EDIL3: variants seen among roughly 807,000 people sequenced by gnomAD.
EDIL3 encodes EGF-like repeat and discoidin I-like domain-containing protein 3.
Under a neutral mutation model 67.4 loss-of-function variants are expected in EDIL3, and 37 were observed. The ratio of observed to expected loss-of-function variants is 0.55; its 90% confidence interval spans 0.42 to 0.72. The LOEUF is 0.72. Among genes scored for constraint, EDIL3 ranks in the 30% least tolerant of loss-of-function variants. EDIL3 has a pLI of 0.00. For missense variants in EDIL3, 527 were observed against 586.3 expected, an observed-to-expected ratio of 0.90 and a Z score of 1.04; for synonymous variants, 195 against 196.3, an observed-to-expected ratio of 0.99 and a Z score of 0.05.
chr5:84,174,035 C>A (rs1267159653), intron 4 of EDIL3, among the ~76,000 whole-genome samples: 1 of 152,058 alleles, frequency 6.6e-6, no homozygotes, highest in East Asian at 1.9e-4. Context: ...GACAAAGGAG[C>A]CAAAGGAAAG....
chr5:84,141,952 GATCTATCT>G (rs70975543), intron 4 of EDIL3, among the ~76,000 whole-genome samples: 288 of 108,370 alleles, frequency 2.7e-3, no homozygotes, highest in African/African-American at 4.3e-3. Flanking sequence ...TATATACATA[GATCTATCT>G]ATCTATCTAT....
intron 9 of EDIL3, among the ~76,000 whole-genome samples, chr5:83,964,182 G>C (rs1444978146): frequency 6.6e-6 from 1 of 151,904 alleles, no homozygotes; most frequent in African/African-American, 2.4e-5. Context: ...ATATAGAATA[G>C]TTCGGTATTT....
chr5:84,196,790 A>G (rs1323219968), intron 3 of EDIL3: 1 of 152,070 alleles, frequency 6.6e-6, no homozygotes, highest in African/African-American at 2.4e-5. Flanking sequence ...AACACATAAG[A>G]AAATGCTTTT....
At chr5:84,015,454 T>G (rs1444955007) in intron 9 of EDIL3, among the ~76,000 whole-genome samples, 1 of 152,262 alleles carries the variant, frequency 6.6e-6, no homozygotes. Flanking sequence ...TTTATCATTT[T>G]TCAAAGATTG....
chr5:84,347,884 G>C (rs909872464), intron 1 of EDIL3, among the ~76,000 whole-genome samples: 1 of 152,104 alleles, frequency 6.6e-6, no homozygotes, highest in Non-Finnish European at 1.5e-5. Flanking sequence ...TAAAGACTTG[G>C]AAGGCAAGCA....
intron 1 of EDIL3, among the ~76,000 whole-genome samples, chr5:84,300,806 A>G (rs1486332423): frequency 6.6e-6 from 1 of 152,212 alleles, no homozygotes; most frequent in Admixed American, 6.5e-5. Context: ...GTTATGTAAC[A>G]TGATTAGAAT....
chr5:84,186,525 T>C (rs1267374256), intron 3 of EDIL3, among the ~76,000 whole-genome samples: 4 of 152,216 alleles, frequency 2.6e-5, no homozygotes. Flanking sequence ...TCAATGGCTC[T>C]CTTTTACTGT....
chr5:84,061,058 G>C (rs1028282524), intron 8 of EDIL3, among the ~76,000 whole-genome samples: 1 of 152,076 alleles, frequency 6.6e-6, no homozygotes, highest in Non-Finnish European at 1.5e-5. Flanking sequence ...TTCTGTAAGA[G>C]AGGAATCTAG....
intron 1 of EDIL3, among the ~76,000 whole-genome samples, chr5:84,296,868 C>G (rs1164500486): frequency 6.6e-6 from 1 of 152,124 alleles, no homozygotes; most frequent in Non-Finnish European, 1.5e-5. Flanking sequence ...CTACAAGGAA[C>G]TTAAGCAAAT....
At chr5:84,323,090 T>C (rs1307651164) in intron 1 of EDIL3, among the ~76,000 whole-genome samples, 1 of 152,080 alleles carries the variant, frequency 6.6e-6, no homozygotes, top group Non-Finnish European at 1.5e-5. Context: ...AATATTTGTT[T>C]CCACATAATT....
At chr5:84,262,859 T>C (rs534926073) in intron 1 of EDIL3, among the ~76,000 whole-genome samples, 6 of 151,694 alleles carry the variant, frequency 4.0e-5, no homozygotes, top group Admixed American at 1.3e-4. Context: ...TTAGTAGATA[T>C]GGGGTTTCAC....
intron 1 of EDIL3, among the ~76,000 whole-genome samples, chr5:84,268,723 T>A (rs1381799429): frequency 6.6e-6 from 1 of 152,202 alleles, no homozygotes. Flanking sequence ...ATTTTAACCA[T>A]GGCAGTATAA....
At chr5:84,371,448 TATAGAG>T (rs201684682) in intron 1 of EDIL3, among the ~76,000 whole-genome samples, 15,877 of 92,574 alleles carry the variant, frequency 0.17, 1,017 homozygotes, top group Middle Eastern at 0.28. Flanking sequence ...TATATATATA[TATAGAG>T]AGAGAGAGAG....
In EDIL3 at chr5:84,066,565, G is replaced by C; in HGVS notation, c.693C>G (p.Thr231=). The part of the protein sequence containing the change: ...QRKMRVTGVI[T]QGAKRIGSPE... ...GGCTTCCAATCCTCTTGGCTCCTTG[G>C]GTAATCACACCAGTAACTCTCATTT... Residue 231 remains threonine (T), a synonymous_variant, in exon 7 of 11, where the codon ACC becomes ACG. Coordinates refer to ENST00000296591, the MANE Select transcript of EDIL3 (RefSeq NM_005711.5). 9.3e-6 allele frequency: 15 copies of C among 1,612,742 alleles called. No individual in the cohort carries two copies. Among genetic ancestry groups the C allele is most frequent in the Non-Finnish European group, 1.3e-5 (15 of 1,179,590 alleles).
At chr5:84,301,273 A>G (rs2112130579) in intron 1 of EDIL3, among the ~76,000 whole-genome samples, 1 of 139,522 alleles carries the variant, frequency 7.2e-6, no homozygotes, top group South Asian at 2.3e-4. Context: ...TGTCTCAAAA[A>G]AAAAAGAAAA....
intron 1 of EDIL3, among the ~76,000 whole-genome samples, chr5:84,334,511 T>C (rs1323017683): frequency 6.6e-6 from 1 of 152,232 alleles, no homozygotes; most frequent in Non-Finnish European, 1.5e-5. Context: ...CCTTGATTCA[T>C]TGTGACTTTT....
At chr5:84,219,774 T>C (rs181563106) in intron 3 of EDIL3, among the ~76,000 whole-genome samples, 2 of 152,186 alleles carry the variant, frequency 1.3e-5, no homozygotes, top group South Asian at 2.1e-4. Flanking sequence ...TGGAGTACTA[T>C]TCAGTCATAA....
intron 1 of EDIL3, among the ~76,000 whole-genome samples, chr5:84,305,932 T>C (rs1746266227): frequency 6.6e-6 from 1 of 151,736 alleles, no homozygotes; most frequent in South Asian, 2.1e-4. Flanking sequence ...GATAGATAAA[T>C]AAATAAAATA....
At chr5:84,157,436 A>G (rs1414270148) in intron 4 of EDIL3, among the ~76,000 whole-genome samples, 1 of 152,100 alleles carries the variant, frequency 6.6e-6, no homozygotes, top group Non-Finnish European at 1.5e-5. Context: ...GAATCAATAT[A>G]AAGAGGTTGG....
Sources: gnomAD v4.1 joint callset for allele counts (sites outside exome capture counted in the v4.1 genomes callset) on GRCh38, gnomAD v4.1.1 for gene constraint, MANE v1.5 for transcripts, NCBI Gene and HGNC (gene_info 2026-07-23, HGNC 2026-07-21) for gene names.